Variants in SRGAP3 observed in about 807,000 individuals in gnomAD.
The protein encoded by SRGAP3 is SLIT-ROBO Rho GTPase activating protein 3.
SRGAP3 carries 39 observed loss-of-function variants against 121.1 expected under a neutral mutation model. The ratio of observed to expected loss-of-function variants is 0.32; its 90% CI spans 0.25 to 0.42. The LOEUF (loss-of-function observed/expected upper bound fraction) is 0.42. SRGAP3 is among the 10% of genes least tolerant of loss of function. SRGAP3 has a pLI of 1.00. For synonymous variants in SRGAP3, 601 were observed against 570.0 expected (o/e 1.05, Z -0.77); for missense variants, 1,213 against 1,470.6 (o/e 0.82, Z 2.86).
intron 1 of SRGAP3, among the ~76,000 whole-genome samples, chr3:9,197,323 T>A (rs1409046525): frequency 6.6e-6 from 1 of 152,210 alleles, no homozygotes; most frequent in Admixed American, 6.5e-5. Context: ...AACTAAAATC[T>A]ACAAGCAAAG....
intron 1 of SRGAP3, among the ~76,000 whole-genome samples, chr3:9,206,930 T>G (rs903293219): frequency 2.0e-5 from 3 of 152,212 alleles, no homozygotes; most frequent in African/African-American, 7.2e-5. Context: ...GCTTTGTTCA[T>G]GCAGTATCCC....
chr3:9,063,247 G>A (rs1007862323), intron 5 of SRGAP3, among the ~76,000 whole-genome samples: 1 of 145,352 alleles, frequency 6.9e-6, no homozygotes, highest in African/African-American at 2.6e-5. Context: ...TCCTACCTCA[G>A]CCTCCCAAGT....
At chr3:9,018,287 G>A (rs545016287) in intron 14 of SRGAP3, among the ~76,000 whole-genome samples, 1 of 152,080 alleles carries the variant, frequency 6.6e-6, no homozygotes, top group Admixed American at 6.5e-5. Flanking sequence ...CCGTATCTTT[G>A]CTATTGTGAA....
chr3:9,178,839 C>G (rs543079144), intron 1 of SRGAP3, among the ~76,000 whole-genome samples: 2 of 152,176 alleles, frequency 1.3e-5, no homozygotes, highest in Admixed American at 6.5e-5. Context: ...GCCCTAGACC[C>G]GGAGATGTCT....
intron 1 of SRGAP3, among the ~76,000 whole-genome samples, chr3:9,332,842 C>T (rs939066297): frequency 4.6e-5 from 7 of 152,122 alleles, no homozygotes; most frequent in East Asian, 1.9e-4. Flanking sequence ...TCGTGAGCAA[C>T]GGAACTTGCT....
intron 18 of SRGAP3, among the ~76,000 whole-genome samples, chr3:9,001,709 T>A (rs1364270238): frequency 6.6e-6 from 1 of 151,832 alleles, no homozygotes; most frequent in Non-Finnish European, 1.5e-5. Flanking sequence ...AGAGTGAAAG[T>A]GAAAGGATGG....
intron 12 of SRGAP3, among the ~76,000 whole-genome samples, chr3:9,031,120 T>G (rs897176635): frequency 2.0e-5 from 3 of 152,132 alleles, no homozygotes; most frequent in African/African-American, 2.4e-5. Flanking sequence ...TATCCTAAAC[T>G]TGTTTCTGTG....
chr3:9,037,745 A>C (rs2125109129), intron 11 of SRGAP3: 1 of 450,494 alleles, frequency 2.2e-6, no homozygotes, highest in East Asian at 4.0e-5. Context: ...TGGCCCCTAC[A>C]GGCTGCCCTC....
At chr3:9,229,978 A>AT (rs1953138329) in intron 1 of SRGAP3, among the ~76,000 whole-genome samples, 1 of 152,166 alleles carries the variant, frequency 6.6e-6, no homozygotes. Context: ...CAAGGTAAGT[A>AT]TTACTGTCCT....
intron 1 of SRGAP3, among the ~76,000 whole-genome samples, chr3:9,245,699 G>A (rs1953793448): frequency 6.6e-6 from 1 of 152,162 alleles, no homozygotes; most frequent in Non-Finnish European, 1.5e-5. Context: ...CAAGGCGGGT[G>A]GATCACTTGA....
intron 21 of SRGAP3, among the ~76,000 whole-genome samples, chr3:8,990,284 A>T (rs529677158): frequency 6.6e-6 from 1 of 152,322 alleles, no homozygotes; most frequent in African/African-American, 2.4e-5. Flanking sequence ...CCAGCCCTGG[A>T]CACTGGGGGT....
At chr3:9,096,976 T>TATAC (rs1948006424) in intron 3 of SRGAP3, among the ~76,000 whole-genome samples, 1 of 85,068 alleles carries the variant, frequency 1.2e-5, no homozygotes, top group African/African-American at 5.7e-5. Flanking sequence ...TATATATATA[T>TATAC]ATATACACAT....
chr3:9,210,469 A>G (rs1390668053), intron 1 of SRGAP3, among the ~76,000 whole-genome samples: 1 of 152,170 alleles, frequency 6.6e-6, no homozygotes, highest in Non-Finnish European at 1.5e-5. Flanking sequence ...CCTAGGTGAC[A>G]CAGTGAGACT....
chr3:9,040,999 A>G (rs1944984326), intron 10 of SRGAP3, among the ~76,000 whole-genome samples: 1 of 152,222 alleles, frequency 6.6e-6, no homozygotes, highest in Admixed American at 6.5e-5. Context: ...GGCACAAAGT[A>G]TATGCTCAAC....
intron 4 of SRGAP3, among the ~76,000 whole-genome samples, chr3:9,078,181 G>C (rs1446182379): frequency 6.6e-6 from 1 of 152,112 alleles, no homozygotes; most frequent in South Asian, 2.1e-4. Context: ...GAGGGGGAAG[G>C]TATTTGGTGT....
intron 18 of SRGAP3, among the ~76,000 whole-genome samples, chr3:8,998,008 A>G (rs1286918847): frequency 6.6e-6 from 1 of 152,078 alleles, no homozygotes; most frequent in Non-Finnish European, 1.5e-5. Flanking sequence ...CAGCCTCCTG[A>G]GTAGCTGGGA....
Position 8,985,229 on chromosome 3 carries a change from G to GGTGT in SRGAP3, c.*289_*290insACAC. Reference sequence around the variant, plus strand: ...GGAAGTTTCCAGTGACGATATGCGGGAGAAGCCATGTGGTATTTTGCCTCC... The same window carrying GGTGT: ...GGAAGTTTCCAGTGACGATATGCGGGGTGTAGAAGCCATGTGGTATTTTGCCTCC... On this transcript the variant is annotated 3_prime_UTR_variant, in exon 22 of 22. Transcript: ENST00000383836. The surrounding 1 kb of genome is among the most constrained non-coding windows in gnomAD (Gnocchi z 5.1). The GGTGT allele has an allele frequency of 1.9e-6, 1 of 515,172 alleles. No individual in the cohort carries two copies. The highest frequency in any genetic ancestry group is 3.4e-6 in the Non-Finnish European group (1 of 290,952). 31.9% of individuals were successfully genotyped at this position (515,172 alleles called of 1,614,324 possible).
chr3:9,266,641 TGTTTTGGTTTG>T (rs1007344277), intron 3 of SRGAP3, among the ~76,000 whole-genome samples: 68 of 145,196 alleles, frequency 4.7e-4, no homozygotes, highest in African/African-American at 1.5e-3. Flanking sequence ...TTTTTTGTTT[TGTTTTGGTTTG>T]GTTTTGGTTT....
chr3:9,079,504 T>C (rs1947136777), intron 4 of SRGAP3, among the ~76,000 whole-genome samples: 1 of 152,232 alleles, frequency 6.6e-6, no homozygotes, highest in South Asian at 2.1e-4. Context: ...ACTGTGATGT[T>C]ATGAAACTAT....
Sources: gnomAD v4.1 joint callset for allele counts (sites outside exome capture counted in the v4.1 genomes callset) on GRCh38, gnomAD v4.1.1 for gene constraint, Gnocchi (gnomAD v3.1) non-coding constraint, MANE v1.5 for transcripts, NCBI Gene and HGNC (gene_info 2026-07-23, HGNC 2026-07-21) for gene names.